SDK1: variants seen among roughly 807,000 people sequenced by gnomAD.
SDK1 encodes sidekick cell adhesion molecule 1.
SDK1 carries 157 observed loss-of-function variants against 245.5 expected under a neutral mutation model. The ratio of observed to expected loss-of-function variants is 0.64; its 90% CI spans 0.56 to 0.73. The LOEUF is 0.73. Ranked by LOEUF, SDK1 falls within the 30% of genes least tolerant of loss-of-function variation. The probability of loss-of-function intolerance (pLI) is 0.00; values close to 1 mark genes in which losing one functional copy is unlikely to be tolerated. For synonymous variants in SDK1, 1,647 were observed against 1,278.5 expected (o/e 1.29, Z -6.15); for missense variants, 3,583 against 3,002.3 (o/e 1.19, Z -4.52).
At chr7:3,906,153 C>T (rs1583542204) in intron 5 of SDK1, among the ~76,000 whole-genome samples, 1 of 152,128 alleles carries the variant, frequency 6.6e-6, no homozygotes, top group African/African-American at 2.4e-5. Context: ...TGTTTGTCCT[C>T]ACCTTTGAGT....
intron 5 of SDK1, among the ~76,000 whole-genome samples, chr7:3,826,827 A>T (rs552284520): frequency 6.6e-6 from 1 of 152,294 alleles, no homozygotes; most frequent in African/African-American, 2.4e-5. Context: ...GAGAAAACAT[A>T]AGTTAAAATA....
At chr7:3,952,438 C>G (rs939658781) in intron 7 of SDK1, among the ~76,000 whole-genome samples, 18 of 152,126 alleles carry the variant, frequency 1.2e-4, no homozygotes, top group African/African-American at 4.3e-4. Context: ...CAAACATCAG[C>G]TGGGCGCAGT....
chr7:3,343,327 C>T (rs1780403910), intron 1 of SDK1, among the ~76,000 whole-genome samples: 1 of 152,204 alleles, frequency 6.6e-6, no homozygotes, highest in South Asian at 2.1e-4. Flanking sequence ...ATGATTACTT[C>T]TCACAATAAA....
intron 4 of SDK1, among the ~76,000 whole-genome samples, chr7:3,713,732 A>C (rs1002233431): frequency 2.6e-5 from 4 of 152,206 alleles, no homozygotes; most frequent in African/African-American, 9.7e-5. Flanking sequence ...TGGAGAATGT[A>C]CTCCCTTCAA....
intron 43 of SDK1, among the ~76,000 whole-genome samples, chr7:4,244,112 CCACGA>C: frequency 6.6e-6 from 1 of 152,228 alleles, no homozygotes; most frequent in Admixed American, 6.5e-5. Context: ...GAGACAACAC[CCACGA>C]CACAAAACCA....
intron 2 of SDK1, among the ~76,000 whole-genome samples, chr7:3,621,380 C>G (rs1781933636): frequency 6.6e-6 from 1 of 152,114 alleles, no homozygotes; most frequent in Admixed American, 6.5e-5. Flanking sequence ...CCACATCACC[C>G]TCATTTTTAT....
intron 22 of SDK1, among the ~76,000 whole-genome samples, chr7:4,108,569 C>T (rs753726045): frequency 6.6e-5 from 10 of 152,146 alleles, no homozygotes; most frequent in Non-Finnish European, 1.2e-4. Flanking sequence ...GTGGTTTTGC[C>T]GACTTCCGGG....
At position 4,188,710 on chromosome 7, in the gene SDK1, C is replaced by T. The variant is rs183567463; in HGVS notation, c.5098+10124C>T. On this transcript the variant is annotated intron_variant, in intron 35 of 44. Coordinates refer to ENST00000404826, the MANE Select transcript of SDK1 (RefSeq NM_152744.4). ...AAAAAAGAAAGAAAGAAAAAAAAAA[C>T]TCTTTCATCCTCCTGGAATTAATTC... Among the ~76,000 whole-genome samples, 828 of 150,786 alleles carry T rather than the reference C, an allele frequency of 5.5e-3. 10 individuals are homozygous for T. The highest frequency in any genetic ancestry group is 0.019 in the African/African-American group (796 of 41,086).
chr7:3,624,585 G>C (rs1370714900), intron 2 of SDK1, among the ~76,000 whole-genome samples: 2 of 152,164 alleles, frequency 1.3e-5, no homozygotes, highest in African/African-American at 4.8e-5. Context: ...AATGTAAACA[G>C]AAGAATACCA....
intron 1 of SDK1, among the ~76,000 whole-genome samples, chr7:3,327,219 G>T (rs1206442480): frequency 6.6e-6 from 1 of 152,144 alleles, no homozygotes. Context: ...ACAGGGAATG[G>T]TTGAAGGAAC....
In SDK1 at chr7:4,210,158, A is replaced by G. The variant is rs1306361978; in HGVS notation, c.5535A>G (p.Val1845=). Residue 1845 remains valine, a synonymous_variant, in exon 38 of 45, where the codon GTA becomes GTG. Transcript: ENST00000404826. ...YRVVYEPLAP[V]QGVSKVVTVE... ...TGGTGTACGAGCCCTTGGCCCCTGT[A>G]CAAGGTAAGACCCGGGGTTGGGGAG... 6.4e-6 allele frequency: 10 copies of G among 1,560,546 alleles called. No individual in the cohort carries two copies. The highest frequency in any genetic ancestry group is 2.3e-5 in the East Asian group (1 of 42,778).
At chr7:4,146,945 A>G (rs1325650571) in intron 29 of SDK1, among the ~76,000 whole-genome samples, 1 of 151,332 alleles carries the variant, frequency 6.6e-6, no homozygotes, top group Admixed American at 6.6e-5. Context: ...CACGAGGCCG[A>G]CTCTTCCCAT....
At chr7:3,910,019 A>T (rs538685813) in intron 5 of SDK1, among the ~76,000 whole-genome samples, 1 of 152,342 alleles carries the variant, frequency 6.6e-6, no homozygotes, top group East Asian at 1.9e-4. Context: ...TCATGGATGG[A>T]AAGGCCATCT....
chr7:3,637,238 C>T lies in SDK1; in HGVS notation c.459-1766C>T, dbSNP rs539265857. Among the ~76,000 whole-genome samples, 10 of 152,240 alleles carry T rather than the reference C, an allele frequency of 6.6e-5. No individual in the cohort carries two copies. In the East Asian group the frequency reaches 1.7e-3, roughly 27 times the overall value. On this transcript the variant is annotated intron_variant, in intron 2 of 44. Transcript: ENST00000404826. ...TCAGCCCCCCAGGTAGCTGGGATTA[C>T]AGGCGTGTGCCACCACACCTGCTAA...
intron 2 of SDK1, among the ~76,000 whole-genome samples, chr7:3,625,579 C>G (rs1440008351): frequency 6.6e-6 from 1 of 152,216 alleles, no homozygotes; most frequent in Admixed American, 6.5e-5. Context: ...CTCTAAGTGG[C>G]TGGAGCTCAA....
chr7:3,501,244 C>G (rs1041060046), intron 1 of SDK1, among the ~76,000 whole-genome samples: 4 of 152,058 alleles, frequency 2.6e-5, no homozygotes, highest in Non-Finnish European at 5.9e-5. Context: ...GAGAATTCCT[C>G]TTGGACTGAT....
intron 1 of SDK1, among the ~76,000 whole-genome samples, chr7:3,460,478 C>G (rs1396106615): frequency 6.6e-6 from 1 of 152,060 alleles, no homozygotes; most frequent in African/African-American, 2.4e-5. Flanking sequence ...TTTTGTGCAG[C>G]TTAAAAAGGA....
intron 5 of SDK1, among the ~76,000 whole-genome samples, chr7:3,887,659 A>G (rs1235512108): frequency 1.3e-5 from 2 of 152,186 alleles, no homozygotes; most frequent in Non-Finnish European, 1.5e-5. Context: ...CCCTGGCCTG[A>G]TGATTCCTGA....
At chr7:3,834,916 C>T (rs922537287) in intron 5 of SDK1, among the ~76,000 whole-genome samples, 4 of 152,090 alleles carry the variant, frequency 2.6e-5, no homozygotes, top group African/African-American at 9.7e-5. Context: ...CCGGCTTGTT[C>T]TTCCTGTAGC....
Sources: allele counts gnomAD v4.1 joint callset (sites outside exome capture counted in the v4.1 genomes callset), GRCh38; gene constraint gnomAD v4.1.1; transcripts MANE v1.5; gene names NCBI Gene and HGNC (gene_info 2026-07-23, HGNC 2026-07-21).